VSTM4: variants seen among roughly 807,000 people sequenced by gnomAD.
VSTM4 encodes the protein V-set and transmembrane domain-containing protein 4.
VSTM4 carries 20 observed loss-of-function variants against 36.4 expected under a neutral mutation model. That is an observed-to-expected ratio of 0.55 (90% CI 0.39 to 0.80). The LOEUF is 0.80. Ranked by LOEUF, VSTM4 falls within the 30% of genes least tolerant of loss-of-function variation. The pLI is 0.00. For missense variants in VSTM4, 392 were observed against 404.5 expected (o/e 0.97, Z 0.26); for synonymous variants, 182 against 173.9 (o/e 1.05, Z -0.37).
intron 4 of VSTM4, among the ~76,000 whole-genome samples, chr10:49,069,523 A>T (rs566156244): frequency 6.6e-6 from 1 of 152,146 alleles, no homozygotes; most frequent in Non-Finnish European, 1.5e-5. Flanking sequence ...CACCTCCCTC[A>T]TTCAGGGCTC....
intron 3 of VSTM4, among the ~76,000 whole-genome samples, chr10:49,085,298 T>G (rs1364773886): frequency 6.6e-6 from 1 of 152,272 alleles, no homozygotes; most frequent in Non-Finnish European, 1.5e-5. Context: ...GGGGAGCTTT[T>G]AACAACTTCC....
intron 7 of VSTM4, among the ~76,000 whole-genome samples, chr10:49,029,991 C>T (rs560418153): frequency 6.6e-6 from 1 of 152,336 alleles, no homozygotes; most frequent in East Asian, 1.9e-4. Flanking sequence ...AGCCTCACCC[C>T]CAGGTTCCCA....
At chr10:49,076,350 G>A (rs1377424009) in intron 4 of VSTM4, among the ~76,000 whole-genome samples, 1 of 152,178 alleles carries the variant, frequency 6.6e-6, no homozygotes, top group Non-Finnish European at 1.5e-5. Flanking sequence ...CCTGAGACTG[G>A]TGCACTCCTG....
At chr10:49,032,378 G>A (rs1843360016) in intron 7 of VSTM4, among the ~76,000 whole-genome samples, 1 of 152,178 alleles carries the variant, frequency 6.6e-6, no homozygotes, top group African/African-American at 2.4e-5. Flanking sequence ...CTGCATCCAG[G>A]GCCGTGTGGA....
chr10:49,043,452 T>C (rs1272367028), intron 7 of VSTM4, among the ~76,000 whole-genome samples: 1 of 152,194 alleles, frequency 6.6e-6, no homozygotes, highest in East Asian at 1.9e-4. Context: ...AGGTTGGCAT[T>C]TATGTTCAGC....
chr10:49,073,600 C>T (rs1844121311), intron 4 of VSTM4, among the ~76,000 whole-genome samples: 1 of 152,178 alleles, frequency 6.6e-6, no homozygotes, highest in Admixed American at 6.5e-5. Flanking sequence ...GAATAATCAG[C>T]TCAAAGCCCA....
chr10:49,052,920 A>G (rs542544622), intron 5 of VSTM4, among the ~76,000 whole-genome samples: 1 of 152,306 alleles, frequency 6.6e-6, no homozygotes, highest in African/African-American at 2.4e-5. Flanking sequence ...ATTTGATCTC[A>G]TTTAGACAAT....
At chr10:49,043,771 C>T (rs918556015) in intron 7 of VSTM4, among the ~76,000 whole-genome samples, 2 of 152,082 alleles carry the variant, frequency 1.3e-5, no homozygotes, top group Non-Finnish European at 2.9e-5. Flanking sequence ...TTTCTAAACT[C>T]CAAATGGATC....
intron 4 of VSTM4, among the ~76,000 whole-genome samples, chr10:49,076,293 T>C (rs1383781978): frequency 6.6e-6 from 1 of 152,228 alleles, no homozygotes; most frequent in Non-Finnish European, 1.5e-5. Context: ...GAGCCTGTGT[T>C]ACAGGTTTTA....
chr10:49,060,880 A>T (rs766915702), intron 5 of VSTM4, among the ~76,000 whole-genome samples: 3 of 152,208 alleles, frequency 2.0e-5, no homozygotes, highest in Non-Finnish European at 4.4e-5. Flanking sequence ...GTTTCTGTAT[A>T]TGGATACCCA....
chr10:49,032,077 C>T (rs1843354567), intron 7 of VSTM4, among the ~76,000 whole-genome samples: 2 of 152,056 alleles, frequency 1.3e-5, no homozygotes, highest in South Asian at 4.1e-4. Flanking sequence ...TGTTCTACTG[C>T]TCTCAGAGCA....
intron 2 of VSTM4, among the ~76,000 whole-genome samples, chr10:49,086,922 A>G (rs1844380295): frequency 6.6e-6 from 1 of 152,234 alleles, no homozygotes; most frequent in Non-Finnish European, 1.5e-5. Flanking sequence ...AGAGCTCTAG[A>G]CAAGAGAATC....
chr10:49,039,485 G>A (rs570621615), intron 7 of VSTM4, among the ~76,000 whole-genome samples: 4 of 152,274 alleles, frequency 2.6e-5, no homozygotes, highest in South Asian at 2.1e-4. Flanking sequence ...CCTGGGAAAC[G>A]TGCAGTGATT....
chr10:49,028,920 ATC>A (rs1742136196), intron 7 of VSTM4, among the ~76,000 whole-genome samples: 1 of 152,228 alleles, frequency 6.6e-6, no homozygotes, highest in African/African-American at 2.4e-5. Flanking sequence ...ACTATCAGGA[ATC>A]TATTTACCCA....
chr10:49,049,913 G>T (rs965703788), intron 5 of VSTM4, among the ~76,000 whole-genome samples: 1 of 152,128 alleles, frequency 6.6e-6, no homozygotes, highest in South Asian at 2.1e-4. Context: ...AATTACAGGC[G>T]CTTAGACTCT....
intron 5 of VSTM4, among the ~76,000 whole-genome samples, chr10:49,060,739 C>T (rs1044236005): frequency 2.0e-5 from 3 of 152,128 alleles, no homozygotes; most frequent in Non-Finnish European, 2.9e-5. Context: ...TATCACTTTG[C>T]CCAACCCAAG....
At chr10:49,103,424 G>A (rs1350860071) in intron 2 of VSTM4, 3 of 681,184 alleles carry the variant, frequency 4.4e-6, no homozygotes, top group Non-Finnish European at 5.5e-6. Flanking sequence ...ATGTTAAGTT[G>A]AGTAGAGATA....
At chr10:49,074,503 G>A (rs73302706) in intron 4 of VSTM4, among the ~76,000 whole-genome samples, 8,759 of 152,222 alleles carry the variant, frequency 0.058, 846 homozygotes, top group African/African-American at 0.2. Flanking sequence ...CCACGTGAAC[G>A]GTCTGCTCCT....
In VSTM4 at chr10:49,107,851, G is replaced by T. The variant is rs139444035; in HGVS notation, c.200C>A (p.Ser67Tyr). Residue 67 changes from serine (S) to tyrosine (Y), a missense_variant, in exon 2 of 8, where the codon TCC becomes TAC. Transcript: ENST00000332853. ...CATCAAGGCCTCCTGGGAGTCGAAG[G>T]AGTGTGCAAAGAACCAGCGCACGGC... ...LLAVRWFFAH[S>Y]FDSQEALMVK... 76 of 1,614,116 alleles carry T rather than the reference G, an allele frequency of 4.7e-5. No individual in the cohort carries two copies. Among genetic ancestry groups the T allele is most frequent in the Non-Finnish European group, 2.4e-5 (28 of 1,180,044 alleles).
Sources: gnomAD v4.1 joint callset for allele counts (sites outside exome capture counted in the v4.1 genomes callset) on GRCh38, gnomAD v4.1.1 for gene constraint, MANE v1.5 for transcripts, NCBI Gene and HGNC (gene_info 2026-07-23, HGNC 2026-07-21) for gene names.